The following DMXL2 variants were observed in gnomAD, a reference collection of about 807,000 sequenced individuals.
DMXL2 encodes the protein dmX-like protein 2.
Under a neutral mutation model 331.1 loss-of-function variants are expected in DMXL2, and 103 were observed. That is an observed-to-expected ratio of 0.31 (90% CI 0.27 to 0.37). DMXL2 has a LOEUF of 0.37. Among genes scored for constraint, DMXL2 ranks in the 10% least tolerant of loss-of-function variants. DMXL2 has a pLI of 1.00. For synonymous variants in DMXL2, 1,281 were observed against 1,252.1 expected, an observed-to-expected ratio of 1.02 and a Z score of -0.49; for missense variants, 3,171 against 3,642.9, an observed-to-expected ratio of 0.87 and a Z score of 3.33.
chr15:51,620,124 G>A (rs1213161207), intron 1 of DMXL2, among the ~76,000 whole-genome samples: 2 of 151,952 alleles, frequency 1.3e-5, no homozygotes, highest in African/African-American at 4.8e-5. Flanking sequence ...TTAAGTATTT[G>A]TTAGTTGATT....
intron 6 of DMXL2, among the ~76,000 whole-genome samples, chr15:51,560,200 A>C (rs1200821777): frequency 1.3e-5 from 2 of 152,202 alleles, no homozygotes; most frequent in African/African-American, 4.8e-5. Flanking sequence ...AACAAGATTC[A>C]AACTACAATT....
intron 2 of DMXL2, 39 bp downstream of exon 2, chr15:51,576,017 T>C (rs769779602): frequency 1.3e-6 from 2 of 1,559,552 alleles, no homozygotes; most frequent in South Asian, 2.3e-5. Context: ...ATTAAACACA[T>C]TTTTAAATGA....
intron 16 of DMXL2, among the ~76,000 whole-genome samples, chr15:51,506,276 T>C: frequency 6.6e-6 from 1 of 152,112 alleles, no homozygotes; most frequent in African/African-American, 2.4e-5. Context: ...TTGCCCAGGC[T>C]GATCTCGAAT....
At chr15:51,608,178 C>CA (rs770193298) in intron 1 of DMXL2, among the ~76,000 whole-genome samples, 3 of 124,592 alleles carry the variant, frequency 2.4e-5, no homozygotes, top group Admixed American at 8.3e-5. Flanking sequence ...GAGCAAGACT[C>CA]AGTCTCAAAA....
Position 51,549,408 on chromosome 15 carries a change from G to A in DMXL2, c.568-2000C>T, listed in dbSNP as rs528200206. 3.3e-5 allele frequency among the ~76,000 whole-genome samples: 5 copies of A among 152,176 alleles called. No homozygotes were observed. In the East Asian group the frequency reaches 9.7e-4, roughly 29 times the overall value. On this transcript the variant is annotated intron_variant, in intron 6 of 43. Coordinates refer to ENST00000560891, the MANE Select transcript of DMXL2 (RefSeq NM_001378457.1). ...TTCTATATTTTTGCAACTGCAAATT[G>A]TGCTGCTATAAACATGCATGTGCAA...
At chr15:51,553,513 T>C (rs544258904) in intron 6 of DMXL2, among the ~76,000 whole-genome samples, 25 of 152,312 alleles carry the variant, frequency 1.6e-4, no homozygotes, top group African/African-American at 5.3e-4. Context: ...TAAAGTACAG[T>C]TGACCCTTCA....
At chr15:51,574,731 C>A (rs1373242450) in intron 2 of DMXL2, among the ~76,000 whole-genome samples, 1 of 152,096 alleles carries the variant, frequency 6.6e-6, no homozygotes, top group Non-Finnish European at 1.5e-5. Flanking sequence ...TATAATTTTG[C>A]CTTATTTACA....
intron 28 of DMXL2, among the ~76,000 whole-genome samples, chr15:51,471,990 T>C (rs1272207435): frequency 6.6e-6 from 1 of 152,184 alleles, no homozygotes; most frequent in Non-Finnish European, 1.5e-5. Context: ...TCTTAAGTTT[T>C]AGTCACACAA....
At chr15:51,488,677 T>C (rs764558980) in intron 20 of DMXL2, 32 bp from the exon 21 acceptor site, 3 of 1,535,244 alleles carry the variant, frequency 2.0e-6, no homozygotes, top group African/African-American at 2.8e-5. Context: ...AAATTCACAA[T>C]TTGACATAAG....
chr15:51,570,340 G>A (rs1280661320), intron 2 of DMXL2, among the ~76,000 whole-genome samples: 1 of 152,160 alleles, frequency 6.6e-6, no homozygotes, highest in Non-Finnish European at 1.5e-5. Context: ...AAGTGACGGG[G>A]AGAATGGAAC....
chr15:51,536,690 C>G lies in DMXL2; in HGVS notation c.1790G>C (p.Arg597Thr), dbSNP rs1567084313. ...GATGTTCATATGTGTACTGTGGGAT[C>G]TAGAGTGTGGCTGTGATCCGTGAGG... ...GSPHGSQPHS[R>T]SHSTHMNILA... Residue 597 changes from arginine to threonine, a missense_variant, in exon 12 of 44, where the codon AGA (arginine) becomes ACA (threonine). By Grantham distance (71) the Arg-to-Thr change is moderately conservative (BLOSUM62 -1). Coordinates refer to ENST00000560891, the MANE Select transcript of DMXL2 (RefSeq NM_001378457.1). The G allele has an allele frequency of 6.2e-7, 1 of 1,614,062 alleles. No homozygotes were observed.
chr15:51,526,082 T>C (rs1246800132), intron 13 of DMXL2, among the ~76,000 whole-genome samples: 8 of 147,990 alleles, frequency 5.4e-5, no homozygotes, highest in African/African-American at 7.5e-5. Context: ...CACTCCCATC[T>C]CTAGATGGCT....
chr15:51,565,421 CTA>C (rs1448724887), intron 3 of DMXL2, among the ~76,000 whole-genome samples: 1 of 152,128 alleles, frequency 6.6e-6, no homozygotes, highest in Non-Finnish European at 1.5e-5. Flanking sequence ...TTTCTCATGC[CTA>C]TAAATACCTT....
At chr15:51,486,405 C>A in intron 22 of DMXL2, 68 bp from the exon 23 acceptor site, 1 of 1,196,224 alleles carries the variant, frequency 8.4e-7, no homozygotes, top group South Asian at 1.5e-5. Flanking sequence ...AATATCCCAT[C>A]AATACCCTGA....
intron 13 of DMXL2, among the ~76,000 whole-genome samples, chr15:51,530,250 G>T (rs1269978588): frequency 2.0e-5 from 3 of 152,010 alleles, no homozygotes; most frequent in Non-Finnish European, 4.4e-5. Flanking sequence ...ACAAAAGAAA[G>T]ATATAAAAGG....
chr15:51,453,917 C>T (rs2039386336), intron 40 of DMXL2, among the ~76,000 whole-genome samples: 1 of 152,164 alleles, frequency 6.6e-6, no homozygotes, highest in Admixed American at 6.5e-5. Flanking sequence ...CATCAAAGTA[C>T]ATGAACCTAC....
chr15:51,611,594 G>C (rs1042647927), intron 1 of DMXL2, among the ~76,000 whole-genome samples: 1 of 152,154 alleles, frequency 6.6e-6, no homozygotes, highest in African/African-American at 2.4e-5. Flanking sequence ...ATCTTGCGGG[G>C]TGGGAGGGAG....
rs1031917339 is a variant in DMXL2 at position 51,576,003 on chromosome 15, G to A, written c.213+53C>T. On this transcript the variant is annotated intron_variant, in intron 2 of 43. Coordinates refer to ENST00000560891, the MANE Select transcript of DMXL2 (RefSeq NM_001378457.1). Reference sequence around the variant, plus strand: ...GCATAAAAGGATAAGAAGATTCTGAGATTATTAAACACATTTTTAAATGAC... The same window carrying A: ...GCATAAAAGGATAAGAAGATTCTGAAATTATTAAACACATTTTTAAATGAC... The A allele has an allele frequency of 1.1e-5, 17 of 1,511,372 alleles. No individual in the cohort carries two copies. The African/African-American group carries it at 2.2e-4, about 20-fold the overall frequency. 93.6% of individuals were successfully genotyped at this position (1,511,372 alleles called of 1,614,324 possible).
chr15:51,521,418 T>TAGTAGG (rs2047358116), intron 13 of DMXL2, among the ~76,000 whole-genome samples: 1 of 74,482 alleles, frequency 1.3e-5, no homozygotes. Context: ...AGTTTGCTAG[T>TAGTAGG]AGTAGTAGTA....
Sources: gnomAD v4.1 joint callset for allele counts (sites outside exome capture counted in the v4.1 genomes callset) on GRCh38, gnomAD v4.1.1 for gene constraint, MANE v1.5 for transcripts, NCBI Gene and HGNC (gene_info 2026-07-23, HGNC 2026-07-21) for gene names.